ACSF3: variants seen among roughly 807,000 people sequenced by gnomAD.
The protein encoded by ACSF3 is malonate--CoA ligase ACSF3, mitochondrial.
In ACSF3, 78 loss-of-function variants were observed where a neutral mutation model predicts 53.2. The ratio of observed to expected loss-of-function variants is 1.47; its 90% CI spans 1.22 to 1.77. ACSF3 has a LOEUF of 1.77. ACSF3 is among the 40% of genes most tolerant of loss of function. ACSF3 has a pLI of 0.00. For missense variants in ACSF3, 937 were observed against 771.1 expected, an observed-to-expected ratio of 1.22 and a Z score of -2.55; for synonymous variants, 414 against 333.1, an observed-to-expected ratio of 1.24 and a Z score of -2.65.
intron 10 of ACSF3, chr16:89,151,024 T>A: frequency 7.8e-7 from 1 of 1,288,918 alleles, no homozygotes; most frequent in South Asian, 1.2e-5. Flanking sequence ...TCATGAGTTT[T>A]CAGGTTGAAA....
At chr16:89,121,276 G>T (rs993106428) in intron 7 of ACSF3, among the ~76,000 whole-genome samples, 2 of 152,252 alleles carry the variant, frequency 1.3e-5, no homozygotes, top group African/African-American at 4.8e-5. Flanking sequence ...GGCCGTTGTT[G>T]TTGATGGGAA....
chr16:89,154,254 C>G lies in ACSF3; in HGVS notation c.*47C>G. 1 of 1,580,852 alleles carries G rather than the reference C, an allele frequency of 6.3e-7. No homozygotes were observed. Among genetic ancestry groups the G allele is most frequent in the Non-Finnish European group, 8.6e-7 (1 of 1,156,196 alleles). ...GTCTGGTGGGGAGCAGCAGACGTCCCCTTCACACCGAGAACCACGGGGGCC... is the reference window on the plus strand; with the variant it reads ...GTCTGGTGGGGAGCAGCAGACGTCCGCTTCACACCGAGAACCACGGGGGCC... On this transcript the variant is annotated 3_prime_UTR_variant, in exon 11 of 11. Coordinates refer to ENST00000614302, the MANE Select transcript of ACSF3 (RefSeq NM_001243279.3).
Position 89,154,156 on chromosome 16 carries a change from G to C in ACSF3, c.1680G>C (p.Gln560His). ...LVLVEEIPRNQMGKIDKKALI... is the reference protein window; with the variant it reads ...LVLVEEIPRNHMGKIDKKALI... ...TGGTGGAGGAGATCCCGCGGAACCA[G>C]ATGGGCAAGATTGACAAGAAGGCGC... Residue 560 changes from glutamine (Q) to histidine (H), a missense_variant, in exon 11 of 11, where the codon CAG becomes CAC. Gln to His is a conservative substitution (Grantham distance 24). Coordinates refer to ENST00000614302, the MANE Select transcript of ACSF3 (RefSeq NM_001243279.3). 6.2e-7 allele frequency: 1 copy of C among 1,613,582 alleles called. No individual in the cohort carries two copies. Among genetic ancestry groups the C allele is most frequent in the Non-Finnish European group, 8.5e-7 (1 of 1,179,826 alleles).
At chr16:89,153,913 G>T (rs1037473505) in intron 10 of ACSF3, 177 bp from the exon 11 acceptor site, 15 of 650,390 alleles carry the variant, frequency 2.3e-5, no homozygotes, top group Non-Finnish European at 3.8e-5. Flanking sequence ...CCACCCCTGG[G>T]CTGCTAGGGC....
intron 8 of ACSF3, among the ~76,000 whole-genome samples, chr16:89,139,081 A>C (rs2151542198): frequency 6.6e-6 from 1 of 152,310 alleles, no homozygotes; most frequent in African/African-American, 2.4e-5. Flanking sequence ...CTCCTCAGGC[A>C]CGGCCCGGCT....
rs530503915 is a variant in ACSF3 at position 89,100,961 on chromosome 16, C to T, written c.280C>T (p.Arg94Trp). Reference sequence around the variant, plus strand: ...CTGCGGGTGTGTCGGCGGGGACCTCCGGGAGGAGAGGGTCTCCTTCCTATG... The same window carrying T: ...CTGCGGGTGTGTCGGCGGGGACCTCTGGGAGGAGAGGGTCTCCTTCCTATG... ...RLCGCVGGDL[R>W]EERVSFLCAN... Residue 94 changes from arginine to tryptophan, a missense_variant, in exon 3 of 11, where the codon CGG becomes TGG. Coordinates refer to ENST00000614302, the MANE Select transcript of ACSF3 (RefSeq NM_001243279.3). 4.3e-5 allele frequency: 70 copies of T among 1,613,594 alleles called. No individual in the cohort carries two copies. The highest frequency in any genetic ancestry group is 2.3e-4 in the South Asian group (21 of 91,090).
At chr16:89,129,183 T>C (rs1329676981) in intron 7 of ACSF3, among the ~76,000 whole-genome samples, 2 of 152,176 alleles carry the variant, frequency 1.3e-5, no homozygotes, top group Non-Finnish European at 1.5e-5. Context: ...TTTGATCGTG[T>C]TGTTCAGTTC....
In ACSF3 at chr16:89,102,695, C is replaced by A. The variant is rs762286480; in HGVS notation, c.758C>A (p.Ala253Glu). Residue 253 changes from alanine to glutamate, a missense_variant, in exon 4 of 11, where the codon GCG becomes GAG. Ala to Glu is a moderately radical substitution (Grantham distance 107). Coordinates refer to ENST00000614302, the MANE Select transcript of ACSF3 (RefSeq NM_001243279.3). Reference sequence around the variant, plus strand: ...CACCACGTCCATGGTGTGGTCAACGCGCTGCTCTGTCCTCTCTGGGTGGGA... The same window carrying A: ...CACCACGTCCATGGTGTGGTCAACGAGCTGCTCTGTCCTCTCTGGGTGGGA... ...PLHHVHGVVN[A>E]LLCPLWVGAT... 2 of 1,613,738 alleles carry A rather than the reference C, an allele frequency of 1.2e-6. No homozygotes were observed. The highest frequency in any genetic ancestry group is 3.3e-5 in the Admixed American group (2 of 60,028).
intron 7 of ACSF3, among the ~76,000 whole-genome samples, chr16:89,125,084 C>T (rs1255924384): frequency 6.6e-6 from 1 of 152,176 alleles, no homozygotes; most frequent in Admixed American, 6.5e-5. Flanking sequence ...TGGCTCACAC[C>T]TGTAATCCCA....
At position 89,154,210 on chromosome 16, in the gene ACSF3, C is replaced by G. The variant is rs758540655; in HGVS notation, c.*3C>G. 6.2e-7 allele frequency: 1 copy of G among 1,612,944 alleles called. No individual in the cohort carries two copies. The highest frequency in any genetic ancestry group is 1.7e-5 in the Admixed American group (1 of 59,974). On this transcript the variant is annotated 3_prime_UTR_variant, in exon 11 of 11. Coordinates refer to ENST00000614302, the MANE Select transcript of ACSF3 (RefSeq NM_001243279.3). ...TCAGGCACTTCCACCCCTCATGACC[C>G]GGCAGACTGGGACTGCGGGTCTGGT...
intron 6 of ACSF3, among the ~76,000 whole-genome samples, chr16:89,118,032 T>C (rs904212508): frequency 6.7e-6 from 1 of 148,328 alleles, no homozygotes; most frequent in African/African-American, 2.5e-5. Context: ...CCAGGGACGT[T>C]CCCTCTTCTC....
chr16:89,107,411 C>T (rs930594228), intron 4 of ACSF3, among the ~76,000 whole-genome samples: 5 of 152,022 alleles, frequency 3.3e-5, no homozygotes, highest in African/African-American at 9.7e-5. Context: ...CTCCCCACCT[C>T]GGCACCATCC....
intron 9 of ACSF3, 48 bp from the exon 10 acceptor site, chr16:89,145,890 G>A (rs1389706252): frequency 6.6e-7 from 1 of 1,512,998 alleles, no homozygotes; most frequent in African/African-American, 1.4e-5. Flanking sequence ...CGGCCTGTAA[G>A]GGTCACTGAG....
intron 1 of ACSF3, among the ~76,000 whole-genome samples, chr16:89,096,956 GAACAGCAGT>G (rs1286879045): frequency 6.6e-6 from 1 of 152,270 alleles, no homozygotes; most frequent in African/African-American, 2.4e-5. Context: ...CCGCGCAGGA[GAACAGCAGT>G]TTCTTCTCAG....
At position 89,154,843 on chromosome 16, in the gene ACSF3, A is replaced by G. The variant is rs1312651551; in HGVS notation, c.*636A>G. 2.2e-6 allele frequency: 1 copy of G among 454,012 alleles called. No homozygotes were observed. Among genetic ancestry groups the G allele is most frequent in the African/African-American group, 2.0e-5 (1 of 50,006 alleles). 28.1% of individuals were successfully genotyped at this position (454,012 alleles called of 1,614,324 possible). A position where few individuals can be genotyped will look rare whatever the true frequency, so the allele number is the denominator to read the frequency against. On this transcript the variant is annotated 3_prime_UTR_variant, in exon 11 of 11. Transcript: ENST00000614302. ...TGTGTCCATCAGCATGTGTCACAGAAAGTGCGTGGACGGATGGCCCCGGAG... is the reference window on the plus strand; with the variant it reads ...TGTGTCCATCAGCATGTGTCACAGAGAGTGCGTGGACGGATGGCCCCGGAG...
intron 8 of ACSF3, among the ~76,000 whole-genome samples, chr16:89,133,669 T>G (rs1365850907): frequency 6.6e-6 from 1 of 152,190 alleles, no homozygotes; most frequent in Non-Finnish European, 1.5e-5. Flanking sequence ...CCCAGAGACC[T>G]CACCACCCCC....
At position 89,101,192 on chromosome 16, in the gene ACSF3, A is replaced by G. The variant is rs2151408510; in HGVS notation, c.511A>G (p.Thr171Ala). 1 of 1,609,070 alleles carries G rather than the reference A, an allele frequency of 6.2e-7. No individual in the cohort carries two copies. Among genetic ancestry groups the G allele is most frequent in the Admixed American group, 1.7e-5 (1 of 58,782 alleles). The change falls in exon 3 of 11, where the codon ACA becomes GCA. Residue 171 changes from threonine (T) to alanine (A), a missense_variant. Physicochemically the swap from Thr to Ala is moderately conservative, Grantham distance 58 (BLOSUM62 0). Transcript: ENST00000614302. ...GCTGGGGGTCCCGCTGCTGCCGCTC[A>G]CACCAGCCATCTACACTGGAGCAGT... The part of the protein sequence containing the change: ...RKLGVPLLPL[T>A]PAIYTGAVEE...
intron 7 of ACSF3, among the ~76,000 whole-genome samples, chr16:89,129,919 A>C (rs1908935874): frequency 6.6e-6 from 1 of 152,190 alleles, no homozygotes; most frequent in Non-Finnish European, 1.5e-5. Context: ...CTGCCTTTAG[A>C]GTGTAGTCAG....
At chr16:89,138,082 G>A (rs1414742473) in intron 8 of ACSF3, among the ~76,000 whole-genome samples, 3 of 152,196 alleles carry the variant, frequency 2.0e-5, no homozygotes, top group Non-Finnish European at 4.4e-5. Context: ...AGGGACAGCA[G>A]CCCCAGCCGC....
Sources: allele counts gnomAD v4.1 joint callset (sites outside exome capture counted in the v4.1 genomes callset), GRCh38; gene constraint gnomAD v4.1.1; transcripts MANE v1.5; gene names NCBI Gene and HGNC (gene_info 2026-07-23, HGNC 2026-07-21).